CLOCK: variants seen among roughly 807,000 people sequenced by gnomAD.
CLOCK encodes circadian locomoter output cycles protein kaput.
CLOCK carries 43 observed loss-of-function variants against 118.4 expected under a neutral mutation model. That is an observed-to-expected ratio of 0.36 (90% CI 0.28 to 0.47). The LOEUF (loss-of-function observed/expected upper bound fraction) is 0.47, where lower values mean the gene tolerates loss of function less well. CLOCK is among the 20% of genes least tolerant of loss of function. The probability of loss-of-function intolerance (pLI) is 1.00; values close to 1 mark genes in which losing one functional copy is unlikely to be tolerated. For missense variants in CLOCK, 846 were observed against 999.9 expected (o/e 0.85, Z 2.08); for synonymous variants, 326 against 339.2 (o/e 0.96, Z 0.43).
At chr4:55,485,974 T>C (rs13114841) in intron 3 of CLOCK, among the ~76,000 whole-genome samples, 51,381 of 152,024 alleles carry the variant, frequency 0.34, 9,381 homozygotes, top group East Asian at 0.58. Context: ...AAATGCTCCT[T>C]TACTTAAGCA....
Position 55,430,723 on chromosome 4 carries a change from C to G in CLOCK, c.*4692G>C, listed in dbSNP as rs531668311. 6.6e-6 allele frequency: 1 copy of G among 152,264 alleles called. No individual in the cohort carries two copies. Among genetic ancestry groups the G allele is most frequent in the South Asian group, 2.1e-4 (1 of 4,824 alleles). 9.4% of individuals were successfully genotyped at this position (152,264 alleles called of 1,614,324 possible). Reference sequence around the variant, plus strand: ...GAATAATTCTTGAAATTATTATATTCTAAAATGTTACTAGCAATCACTTTT... The same window carrying G: ...GAATAATTCTTGAAATTATTATATTGTAAAATGTTACTAGCAATCACTTTT... On this transcript the variant is annotated 3_prime_UTR_variant, in exon 23 of 23. Transcript: ENST00000513440.
At chr4:55,471,169 T>C (rs1726122358) in intron 7 of CLOCK, among the ~76,000 whole-genome samples, 2 of 152,178 alleles carry the variant, frequency 1.3e-5, no homozygotes, top group South Asian at 4.1e-4. Context: ...CAATGTTTTG[T>C]AGGCACACAA....
At chr4:55,509,838 G>T (rs1729028326) in intron 2 of CLOCK, 74 bp downstream of exon 2, 1 of 152,098 alleles carries the variant, frequency 6.6e-6, no homozygotes, top group Non-Finnish European at 1.5e-5. Flanking sequence ...ATAATTCCTT[G>T]TCCTATGCTT....
At chr4:55,531,917 A>G (rs1577867033) in intron 1 of CLOCK, among the ~76,000 whole-genome samples, 2 of 150,384 alleles carry the variant, frequency 1.3e-5, no homozygotes, top group East Asian at 3.9e-4. Flanking sequence ...AAACAAAAAC[A>G]AAAACAAAAA....
intron 13 of CLOCK, among the ~76,000 whole-genome samples, chr4:55,455,653 G>A (rs1199649818): frequency 6.6e-6 from 1 of 152,078 alleles, no homozygotes; most frequent in Non-Finnish European, 1.5e-5. Context: ...TAGAGCTCAC[G>A]TGCTTCAGAA....
At position 55,438,306 on chromosome 4, in the gene CLOCK, G is replaced by A; in HGVS notation, c.2337C>T (p.Thr779=). The change falls in exon 22 of 23, where the codon ACC becomes ACT. Residue 779 remains threonine, a synonymous_variant. Coordinates refer to ENST00000513440, the MANE Select transcript of CLOCK (RefSeq NM_004898.4). ...SVQQPSQAQL[T]QPPQQFLQTS... is the part of the protein sequence containing the mutation. ...CCTGTAAAAATTGTTGCGGTGGCTG[G>A]GTCAGCTGAGCCTGAGATGGTTGCT... 6.2e-7 allele frequency: 1 copy of A among 1,614,098 alleles called. No homozygotes were observed.
intron 18 of CLOCK, among the ~76,000 whole-genome samples, chr4:55,446,109 T>TC (rs1193738723): frequency 6.7e-6 from 1 of 149,998 alleles, no homozygotes; most frequent in Non-Finnish European, 1.5e-5. Context: ...TTCTTTTTTT[T>TC]TTTTTTTTTT....
At chr4:55,448,688 C>T (rs1724152970) in intron 18 of CLOCK, 91 bp downstream of exon 18, 2 of 922,890 alleles carry the variant, frequency 2.2e-6, no homozygotes, top group Non-Finnish European at 3.3e-6. Flanking sequence ...CAGGTGCTTG[C>T]CAGCAAGCCT....
chr4:55,453,868 T>A (rs776672047), intron 13 of CLOCK, 44 bp from the exon 14 acceptor site: 1 of 1,405,962 alleles, frequency 7.1e-7, no homozygotes, highest in East Asian at 2.5e-5. Flanking sequence ...ATTCATATTA[T>A]ATAAAGATTG....
intron 7 of CLOCK, among the ~76,000 whole-genome samples, chr4:55,475,656 G>A (rs950868390): frequency 3.9e-5 from 6 of 152,164 alleles, no homozygotes; most frequent in Non-Finnish European, 8.8e-5. Flanking sequence ...CTGACACTGA[G>A]GCAATACCTT....
chr4:55,498,981 T>C (rs1728261670), intron 2 of CLOCK, among the ~76,000 whole-genome samples: 1 of 152,232 alleles, frequency 6.6e-6, no homozygotes, highest in Admixed American at 6.5e-5. Context: ...ACTGAGCCCA[T>C]GCAGTACATC....
chr4:55,510,711 G>C (rs1458429466), intron 1 of CLOCK, among the ~76,000 whole-genome samples: 1 of 149,754 alleles, frequency 6.7e-6, no homozygotes, highest in Non-Finnish European at 1.5e-5. Flanking sequence ...GCCAAATAAA[G>C]CAAGAGGGAA....
intron 1 of CLOCK, among the ~76,000 whole-genome samples, chr4:55,538,097 T>A (rs1020105815): frequency 1.3e-5 from 2 of 152,220 alleles, no homozygotes; most frequent in African/African-American, 4.8e-5. Flanking sequence ...GGAATGATAC[T>A]AAATCTCTAC....
At chr4:55,438,890 C>A (rs1288065881) in intron 21 of CLOCK, among the ~76,000 whole-genome samples, 2 of 152,088 alleles carry the variant, frequency 1.3e-5, no homozygotes, top group Non-Finnish European at 2.9e-5. Flanking sequence ...TAGAAGAAAA[C>A]ATAGGGGAAA....
At chr4:55,544,621 T>C (rs7667741) in intron 1 of CLOCK, among the ~76,000 whole-genome samples, 46,282 of 152,078 alleles carry the variant, frequency 0.3, 7,658 homozygotes, top group East Asian at 0.58. Flanking sequence ...AGCAATCATA[T>C]TGAAAATGAC....
intron 1 of CLOCK, among the ~76,000 whole-genome samples, chr4:55,511,945 C>G (rs957423582): frequency 5.3e-5 from 8 of 151,576 alleles, no homozygotes; most frequent in African/African-American, 1.9e-4. Context: ...TTGATAATTT[C>G]TTTTTGGCAC....
At chr4:55,456,670 T>G (rs1204541603) in intron 11 of CLOCK, among the ~76,000 whole-genome samples, 1 of 152,118 alleles carries the variant, frequency 6.6e-6, no homozygotes, top group Admixed American at 6.6e-5. Context: ...TTTCTATGTA[T>G]GTATATATTT....
chr4:55,455,538 T>G (rs1724863341), intron 13 of CLOCK, among the ~76,000 whole-genome samples: 1 of 152,126 alleles, frequency 6.6e-6, no homozygotes, highest in Non-Finnish European at 1.5e-5. Flanking sequence ...TGTACCTAGC[T>G]CCTGAAAAGA....
At chr4:55,456,082 G>T in intron 12 of CLOCK, 79 bp from the exon 13 acceptor site, 1 of 1,274,920 alleles carries the variant, frequency 7.8e-7, no homozygotes, top group Admixed American at 1.9e-5. Flanking sequence ...AACTTTGGGG[G>T]GGGGGCTTTA....
Sources: allele counts gnomAD v4.1 joint callset (sites outside exome capture counted in the v4.1 genomes callset), GRCh38; gene constraint gnomAD v4.1.1; transcripts MANE v1.5; gene names NCBI Gene and HGNC (gene_info 2026-07-23, HGNC 2026-07-21).